The following HPGDS variants were observed in gnomAD, a reference collection of about 807,000 sequenced individuals.
HPGDS encodes GST class-sigma.
Under a neutral mutation model 23.1 loss-of-function variants are expected in HPGDS, and 26 were observed. The observed-to-expected ratio is 1.13, with a 90% CI of 0.83 to 1.56. HPGDS has a LOEUF of 1.56. HPGDS is among the 40% of genes most tolerant of loss of function. The pLI is 0.00. For missense variants in HPGDS, 268 were observed against 236.4 expected, an observed-to-expected ratio of 1.13 and a Z score of -0.88; for synonymous variants, 95 against 77.9, an observed-to-expected ratio of 1.22 and a Z score of -1.16.
At chr4:94,302,097 G>C (rs777181123) in intron 5 of HPGDS, 49 bp downstream of exon 5, 2 of 1,373,436 alleles carry the variant, frequency 1.5e-6, no homozygotes, top group South Asian at 2.4e-5. Context: ...ACTTCTATTG[G>C]TTTGTCCTTT....
intron 1 of HPGDS, among the ~76,000 whole-genome samples, chr4:94,341,440 A>C (rs1721172373): frequency 6.6e-6 from 1 of 152,240 alleles, no homozygotes; most frequent in South Asian, 2.1e-4. Context: ...CAATGCCTAT[A>C]CTAAACATCT....
At chr4:94,306,021 A>C (rs1016953997) in intron 4 of HPGDS, among the ~76,000 whole-genome samples, 1 of 152,108 alleles carries the variant, frequency 6.6e-6, no homozygotes, top group Non-Finnish European at 1.5e-5. Context: ...GACTGAGATA[A>C]CACATAGAGC....
intron 3 of HPGDS, among the ~76,000 whole-genome samples, chr4:94,312,426 A>T (rs1286636045): frequency 6.6e-6 from 1 of 152,204 alleles, no homozygotes; most frequent in African/African-American, 2.4e-5. Context: ...CAGGTTGTTC[A>T]GTTTACATGT....
At chr4:94,313,204 C>G (rs1756317014) in intron 3 of HPGDS, among the ~76,000 whole-genome samples, 3 of 152,090 alleles carry the variant, frequency 2.0e-5, no homozygotes, top group Admixed American at 6.5e-5. Flanking sequence ...TTATTTTGCT[C>G]ATTAGCTGAT....
At chr4:94,335,220 C>CTACTGGGTTT (rs1173164873) in intron 1 of HPGDS, among the ~76,000 whole-genome samples, 1 of 152,198 alleles carries the variant, frequency 6.6e-6, no homozygotes. Context: ...TACATCCACG[C>CTACTGGGTTT]TACTGGGTTT....
intron 3 of HPGDS, among the ~76,000 whole-genome samples, chr4:94,315,147 T>C (rs1756369472): frequency 6.6e-6 from 1 of 152,134 alleles, no homozygotes; most frequent in African/African-American, 2.4e-5. Context: ...CCCACTGTCC[T>C]GCACCTACTG....
chr4:94,340,297 C>CTTT (rs756285763), intron 1 of HPGDS, among the ~76,000 whole-genome samples: 1 of 37,440 alleles, frequency 2.7e-5, no homozygotes, highest in Non-Finnish European at 6.3e-5. Context: ...TTCTTTCTTT[C>CTTT]TTTCTTTCTT....
At chr4:94,325,747 G>A (rs1756618266) in intron 2 of HPGDS, among the ~76,000 whole-genome samples, 1 of 152,114 alleles carries the variant, frequency 6.6e-6, no homozygotes, top group Non-Finnish European at 1.5e-5. Context: ...CCTGGGTGAG[G>A]CAATACCCCA....
At chr4:94,321,742 G>A (rs915485820) in intron 2 of HPGDS, among the ~76,000 whole-genome samples, 1 of 152,150 alleles carries the variant, frequency 6.6e-6, no homozygotes, top group Admixed American at 6.5e-5. Context: ...CTTCCTAATT[G>A]AATAACCTTT....
At chr4:94,342,711 G>A (rs1321885973) in intron 1 of HPGDS, 84 bp downstream of exon 1, 5 of 152,092 alleles carry the variant, frequency 3.3e-5, no homozygotes, top group African/African-American at 4.8e-5. Flanking sequence ...TCACAAACAG[G>A]ATATGAGAAT....
chr4:94,301,343 T>G (rs901617037), intron 5 of HPGDS, among the ~76,000 whole-genome samples: 2 of 152,212 alleles, frequency 1.3e-5, no homozygotes, highest in Non-Finnish European at 2.9e-5. Flanking sequence ...TTGTCTAACT[T>G]TTTTGTGATT....
In HPGDS at chr4:94,311,452, A is replaced by G. The variant is rs185510635; in HGVS notation, c.227-2709T>C. Among the ~76,000 whole-genome samples the G allele has an allele frequency of 3.4e-3, 514 of 151,274 alleles. 40 individuals carry two copies. The highest frequency in any genetic ancestry group is 0.012 in the African/African-American group (487 of 40,746). On this transcript the variant is annotated intron_variant, in intron 3 of 5. Coordinates refer to ENST00000295256, the MANE Select transcript of HPGDS (RefSeq NM_014485.3). ...TGCTGGATTACGTTTATTGATTTGCATATGTTGAACCAGCCTTGCATCCCA... is the reference window on the plus strand; with the variant it reads ...TGCTGGATTACGTTTATTGATTTGCGTATGTTGAACCAGCCTTGCATCCCA...
rs550376161 is a variant in HPGDS at position 94,298,650 on chromosome 4, G to C, written c.*830C>G. On this transcript the variant is annotated 3_prime_UTR_variant, in exon 6 of 6. Coordinates refer to ENST00000295256, the MANE Select transcript of HPGDS (RefSeq NM_014485.3). ...TTTTACAAGTATTTTCTCCAAGTCT[G>C]TGGCTTGTCTTCTCCTTCTCTTGAT... The C allele has an allele frequency of 6.6e-6, 1 of 152,180 alleles. No individual in the cohort carries two copies. The highest frequency in any genetic ancestry group is 1.5e-5 in the Non-Finnish European group (1 of 68,038). The allele number at this position is 152,180 out of a possible 1,614,324, so 9.4% of individuals were successfully genotyped here. A position where few individuals can be genotyped will look rare whatever the true frequency, so the allele number is the denominator to read the frequency against.
chr4:94,316,894 A>T (rs914513585), intron 3 of HPGDS, among the ~76,000 whole-genome samples: 5 of 152,230 alleles, frequency 3.3e-5, no homozygotes, highest in African/African-American at 7.2e-5. Context: ...TTCCTCTTGA[A>T]ATTCTAGCTA....
chr4:94,299,863 A>G (rs1227297657), intron 5 of HPGDS, among the ~76,000 whole-genome samples: 1 of 152,198 alleles, frequency 6.6e-6, no homozygotes. Context: ...ATATTTTTCT[A>G]TGCTGATAGA....
chr4:94,335,871 G>A (rs115812868), intron 1 of HPGDS, among the ~76,000 whole-genome samples: 5,746 of 152,224 alleles, frequency 0.038, 350 homozygotes, highest in African/African-American at 0.13. Flanking sequence ...TTAGATAAAA[G>A]GGAAAGTTGG....
intron 1 of HPGDS, among the ~76,000 whole-genome samples, chr4:94,340,318 T>TTTC (rs1560598030): frequency 1.5e-3 from 20 of 13,000 alleles, no homozygotes; most frequent in Non-Finnish European, 2.6e-3. Flanking sequence ...TCTCTTTTTT[T>TTTC]TTTTTTTTTT....
At chr4:94,315,125 C>T (rs938038271) in intron 3 of HPGDS, among the ~76,000 whole-genome samples, 5 of 152,162 alleles carry the variant, frequency 3.3e-5, no homozygotes, top group Non-Finnish European at 4.4e-5. Flanking sequence ...AGCTCATGCT[C>T]GGTGCACTGC....
intron 4 of HPGDS, among the ~76,000 whole-genome samples, chr4:94,307,810 AGT>A (rs1297538429): frequency 2.0e-5 from 3 of 152,068 alleles, no homozygotes; most frequent in Admixed American, 2.0e-4. Flanking sequence ...AAGGAAGAAA[AGT>A]GAGAAAGAAA....
Sources: allele counts gnomAD v4.1 joint callset (sites outside exome capture counted in the v4.1 genomes callset), GRCh38; gene constraint gnomAD v4.1.1; transcripts MANE v1.5; gene names NCBI Gene and HGNC (gene_info 2026-07-23, HGNC 2026-07-21).